CCSER1: variants seen among roughly 807,000 people sequenced by gnomAD.
CCSER1 encodes the protein coiled-coil serine rich protein 1.
In CCSER1, 41 loss-of-function variants were observed where a neutral mutation model predicts 82.0. The observed-to-expected ratio is 0.50, with a 90% CI of 0.39 to 0.65. CCSER1 has a LOEUF of 0.65. Ranked by LOEUF, CCSER1 falls within the 30% of genes least tolerant of loss-of-function variation. The pLI is 0.00. For synonymous variants in CCSER1, 414 were observed against 383.9 expected, an observed-to-expected ratio of 1.08 and a Z score of -0.92; for missense variants, 1,119 against 1,064.2, an observed-to-expected ratio of 1.05 and a Z score of -0.72.
intron 1 of CCSER1, among the ~76,000 whole-genome samples, chr4:90,253,478 A>AT (rs1284200773): frequency 3.3e-5 from 5 of 152,020 alleles, no homozygotes; most frequent in African/African-American, 9.7e-5. Flanking sequence ...CTTGATTGAG[A>AT]TTTTTTTCCT....
intron 10 of CCSER1, among the ~76,000 whole-genome samples, chr4:91,156,005 C>A (rs1247303019): frequency 6.6e-6 from 1 of 151,766 alleles, no homozygotes. Flanking sequence ...GTTATTAAGA[C>A]CCTATGTTTT....
At chr4:90,663,324 T>C (rs1731159394) in intron 6 of CCSER1, among the ~76,000 whole-genome samples, 2 of 152,224 alleles carry the variant, frequency 1.3e-5, no homozygotes, top group South Asian at 4.1e-4. Flanking sequence ...GTTTATTAGT[T>C]TGTCTAAGAA....
At chr4:90,748,208 C>T (rs1339210987) in intron 7 of CCSER1, among the ~76,000 whole-genome samples, 1 of 118,464 alleles carries the variant, frequency 8.4e-6, no homozygotes, top group Middle Eastern at 5.3e-3. Context: ...CACAATAGTC[C>T]CCAGAGTGTG....
intron 5 of CCSER1, among the ~76,000 whole-genome samples, chr4:90,518,608 TATA>T (rs1772613294): frequency 2.0e-5 from 3 of 152,102 alleles, no homozygotes; most frequent in South Asian, 4.1e-4. Context: ...ATACAGTGAC[TATA>T]ATAAGTTCTG....
intron 1 of CCSER1, among the ~76,000 whole-genome samples, chr4:90,172,935 A>G (rs865991368): frequency 2.0e-5 from 3 of 151,968 alleles, no homozygotes; most frequent in African/African-American, 4.8e-5. Flanking sequence ...TATTAAGGTG[A>G]GGTAAATGTT....
At chr4:91,551,945 G>A (rs934421999) in intron 10 of CCSER1, among the ~76,000 whole-genome samples, 1 of 151,684 alleles carries the variant, frequency 6.6e-6, no homozygotes, top group Non-Finnish European at 1.5e-5. Context: ...AGAGGCAAAA[G>A]GGAGGGGAAA....
intron 10 of CCSER1, among the ~76,000 whole-genome samples, chr4:91,373,315 G>A (rs1025332072): frequency 6.6e-6 from 1 of 152,054 alleles, no homozygotes; most frequent in East Asian, 1.9e-4. Flanking sequence ...ACATATTGAA[G>A]GTTTGTATCA....
At chr4:91,472,136 CT>C (rs1757316553) in intron 10 of CCSER1, among the ~76,000 whole-genome samples, 1 of 151,812 alleles carries the variant, frequency 6.6e-6, no homozygotes, top group Admixed American at 6.6e-5. Flanking sequence ...TTTTATTTAC[CT>C]AGTGAATTTC....
intron 10 of CCSER1, among the ~76,000 whole-genome samples, chr4:91,337,128 C>T (rs528739316): frequency 6.6e-5 from 10 of 152,168 alleles, no homozygotes; most frequent in African/African-American, 2.4e-4. Flanking sequence ...TGCACATTTT[C>T]AGAAAGAGTC....
chr4:91,104,568 G>C (rs1358612024), intron 10 of CCSER1, among the ~76,000 whole-genome samples: 1 of 152,186 alleles, frequency 6.6e-6, no homozygotes, highest in African/African-American at 2.4e-5. Flanking sequence ...TCATAGTTGT[G>C]TTCAAAATAA....
intron 10 of CCSER1, among the ~76,000 whole-genome samples, chr4:91,293,083 C>T (rs916637309): frequency 6.6e-6 from 1 of 151,868 alleles, no homozygotes; most frequent in Non-Finnish European, 1.5e-5. Context: ...AAATAATTTG[C>T]CTGTTTTTAA....
chr4:90,428,650 C>A (rs903357803), intron 4 of CCSER1, among the ~76,000 whole-genome samples: 1 of 151,524 alleles, frequency 6.6e-6, no homozygotes, highest in Non-Finnish European at 1.5e-5. Flanking sequence ...TTCAGTAGGC[C>A]AAGGAGGAGA....
intron 7 of CCSER1, among the ~76,000 whole-genome samples, chr4:90,794,195 T>A (rs1222743758): frequency 1.3e-5 from 2 of 152,236 alleles, no homozygotes; most frequent in African/African-American, 4.8e-5. Context: ...TTTTTGCTTT[T>A]GTTGTAATTG....
chr4:90,312,439 T>A (rs2153480761), intron 2 of CCSER1, among the ~76,000 whole-genome samples: 1 of 152,300 alleles, frequency 6.6e-6, no homozygotes, highest in East Asian at 1.9e-4. Flanking sequence ...GTTTTAAGTA[T>A]ATGATTCTGG....
rs112383991 is a variant in CCSER1, at chr4:90,943,960, G to A, written c.2172+20513G>A. On this transcript the variant is annotated intron_variant, in intron 9 of 10. Transcript: ENST00000509176. ...AAAAAGTGAAAAATATCAGGCCGGC[G>A]TTGTGGCTCACGCCTGTAATCCCAG... 4.0e-3 allele frequency among the ~76,000 whole-genome samples: 613 copies of A among 151,834 alleles called. 5 individuals are homozygous for A. Among genetic ancestry groups the A allele is most frequent in the African/African-American group, 0.014 (576 of 41,436 alleles).
At chr4:90,478,901 C>T (rs569153363) in intron 5 of CCSER1, among the ~76,000 whole-genome samples, 221 of 151,808 alleles carry the variant, frequency 1.5e-3, no homozygotes, top group Non-Finnish European at 2.4e-3. Flanking sequence ...CCACCACACT[C>T]GGCTAATTTT....
chr4:90,691,669 G>A (rs139178126), intron 6 of CCSER1, among the ~76,000 whole-genome samples: 103 of 145,308 alleles, frequency 7.1e-4, no homozygotes, highest in African/African-American at 2.1e-3. Flanking sequence ...GCATATGTAC[G>A]TGTGTATCTA....
intron 5 of CCSER1, among the ~76,000 whole-genome samples, chr4:90,495,660 G>T (rs570730475): frequency 6.6e-6 from 1 of 152,202 alleles, no homozygotes; most frequent in South Asian, 2.1e-4. Flanking sequence ...AATGAACAAT[G>T]ATTTATAGAT....
rs535263097 is a variant in CCSER1 at position 90,500,476 on chromosome 4, C to T, written c.1724+32122C>T. On this transcript the variant is annotated intron_variant, in intron 5 of 10. Coordinates refer to ENST00000509176, the MANE Select transcript of CCSER1 (RefSeq NM_001145065.2). The stretch of plus-strand genomic sequence containing the variant: ...CCCCCTGAGTAGCTGGAATTACACA[C>T]GTGTGCCACCACGCCCAGCTAATTT... Among the ~76,000 whole-genome samples, 27 of 152,092 alleles carry T rather than the reference C, an allele frequency of 1.8e-4. No homozygotes were observed. In the East Asian group the frequency reaches 4.1e-3, roughly 23 times the overall value.
Sources: gnomAD v4.1 joint callset for allele counts (sites outside exome capture counted in the v4.1 genomes callset) on GRCh38, gnomAD v4.1.1 for gene constraint, MANE v1.5 for transcripts, NCBI Gene and HGNC (gene_info 2026-07-23, HGNC 2026-07-21) for gene names.